The following LEKR1 variants were observed in gnomAD, a reference collection of about 807,000 sequenced individuals.
LEKR1 encodes protein LEKR1.
In LEKR1, 59 loss-of-function variants were observed where a neutral mutation model predicts 72.4. The ratio of observed to expected loss-of-function variants is 0.82; its 90% CI spans 0.66 to 1.01. LEKR1 has a LOEUF of 1.01. LEKR1 is among the 50% of genes least tolerant of loss of function. The probability of loss-of-function intolerance (pLI) is 0.00; values close to 1 mark genes in which losing one functional copy is unlikely to be tolerated. For missense variants in LEKR1, 728 were observed against 759.2 expected, an observed-to-expected ratio of 0.96 and a Z score of 0.48; for synonymous variants, 257 against 263.2, an observed-to-expected ratio of 0.98 and a Z score of 0.23.
chr3:157,025,567 T>C (rs1175902690), intron 11 of LEKR1, among the ~76,000 whole-genome samples: 1 of 152,190 alleles, frequency 6.6e-6, no homozygotes, highest in Non-Finnish European at 1.5e-5. Context: ...ACCTAATGGC[T>C]TCTACATTTG....
At chr3:156,846,408 A>G (rs918558926) in intron 2 of LEKR1, among the ~76,000 whole-genome samples, 18 of 152,060 alleles carry the variant, frequency 1.2e-4, no homozygotes, top group African/African-American at 4.1e-4. Context: ...TTAGGGGGAA[A>G]AACACTGAGT....
chr3:157,017,969 A>AAAAAAAAAAAAAAAAG (rs1733507638), intron 10 of LEKR1, among the ~76,000 whole-genome samples: 1 of 150,736 alleles, frequency 6.6e-6, no homozygotes, highest in African/African-American at 2.4e-5. Flanking sequence ...AAAAAAAAAA[A>AAAAAAAAAAAAAAAAG]AAAGAAAGCT....
chr3:156,855,397 T>C (rs1715937110), intron 3 of LEKR1, among the ~76,000 whole-genome samples: 1 of 152,210 alleles, frequency 6.6e-6, no homozygotes, highest in Non-Finnish European at 1.5e-5. Context: ...CCAATGAAGC[T>C]GAACATTTGT....
chr3:156,963,957 C>T (rs1345462876), intron 6 of LEKR1, among the ~76,000 whole-genome samples: 1 of 152,100 alleles, frequency 6.6e-6, no homozygotes, highest in African/African-American at 2.4e-5. Flanking sequence ...TAAACATAAG[C>T]TTTTATGTGG....
Position 157,028,209 on chromosome 3 carries a change from C to T in LEKR1, c.1475C>T (p.Ser492Leu). ...ATTCGGTACACTGAAGAATCTAATT[C>T]AAAGGAAAAAGAAATTGAAAATCTT... ...SHIRYTEESN[S>L]KEKEIENLKN... The change falls in exon 12 of 13, where the codon TCA becomes TTA. Residue 492 changes from serine (S) to leucine (L), a missense_variant. Coordinates refer to ENST00000356539, the MANE Select transcript of LEKR1 (RefSeq NM_001004316.3). 1 of 1,612,624 alleles carries T rather than the reference C, an allele frequency of 6.2e-7. No homozygotes were observed. The highest frequency in any genetic ancestry group is 8.5e-7 in the Non-Finnish European group (1 of 1,179,000).
intron 9 of LEKR1, among the ~76,000 whole-genome samples, chr3:157,006,029 C>G (rs1269315826): frequency 6.7e-6 from 1 of 149,298 alleles, no homozygotes. Context: ...GACGGAGTCT[C>G]GCTCTGTCGC....
chr3:156,833,817 T>C (rs576586194), intron 2 of LEKR1, among the ~76,000 whole-genome samples: 91 of 152,154 alleles, frequency 6.0e-4, no homozygotes, highest in African/African-American at 2.2e-3. Context: ...GCAGAAGTGA[T>C]AACTCAAAAA....
chr3:156,853,093 C>CCTG, intron 3 of LEKR1, 111 bp downstream of exon 3: 1 of 479,272 alleles, frequency 2.1e-6, no homozygotes, highest in African/African-American at 2.0e-5. Context: ...ATAGTTTATA[C>CCTG]TTTAATGCAT....
At chr3:157,011,015 A>G (rs1394355257) in intron 9 of LEKR1, among the ~76,000 whole-genome samples, 1 of 152,118 alleles carries the variant, frequency 6.6e-6, no homozygotes, top group Non-Finnish European at 1.5e-5. Flanking sequence ...CCTTTTTTAA[A>G]GAAACCAAAT....
chr3:156,893,400 C>G (rs1299439170), intron 3 of LEKR1, among the ~76,000 whole-genome samples: 2 of 152,168 alleles, frequency 1.3e-5, no homozygotes, highest in Non-Finnish European at 2.9e-5. Flanking sequence ...TTCAGCTACA[C>G]TCAGATTATA....
At chr3:156,976,556 C>A (rs1057137660) in intron 6 of LEKR1, among the ~76,000 whole-genome samples, 1 of 151,926 alleles carries the variant, frequency 6.6e-6, no homozygotes, top group African/African-American at 2.4e-5. Flanking sequence ...TCTAAACCAC[C>A]TTTTGGAGTT....
intron 6 of LEKR1, among the ~76,000 whole-genome samples, chr3:156,950,332 T>C (rs1727041063): frequency 6.6e-6 from 1 of 151,730 alleles, no homozygotes; most frequent in African/African-American, 2.4e-5. Context: ...TCTTTTTTGA[T>C]TCCATATGAA....
At chr3:156,931,508 A>G (rs1387133341) in intron 5 of LEKR1, among the ~76,000 whole-genome samples, 1 of 152,172 alleles carries the variant, frequency 6.6e-6, no homozygotes, top group African/African-American at 2.4e-5. Flanking sequence ...TACCCAAGGA[A>G]TGTGAAAATG....
At chr3:156,973,884 G>A (rs1453154395) in intron 6 of LEKR1, among the ~76,000 whole-genome samples, 1 of 152,178 alleles carries the variant, frequency 6.6e-6, no homozygotes, top group Non-Finnish European at 1.5e-5. Flanking sequence ...AATATTAGCT[G>A]CTTCTAATAA....
Position 156,996,400 on chromosome 3 carries a change from C to T in LEKR1, c.1109+3123C>T, listed in dbSNP as rs16826984. On this transcript the variant is annotated intron_variant, in intron 9 of 12. Coordinates refer to ENST00000356539, the MANE Select transcript of LEKR1 (RefSeq NM_001004316.3). ...GTTCTGGGAAAGGACAGCAGGGTAG[C>T]GTGGCTAGTGGCATAGTAAGTGTGA... Among the ~76,000 whole-genome samples the T allele has an allele frequency of 7.2e-3, 1,092 of 152,108 alleles. 29 individuals carry two copies. In the East Asian group the frequency reaches 0.1, roughly 14 times the overall value.
chr3:156,846,603 A>C (rs550487989), intron 2 of LEKR1, among the ~76,000 whole-genome samples: 1 of 152,290 alleles, frequency 6.6e-6, no homozygotes, highest in East Asian at 1.9e-4. Context: ...GCCCTATCTC[A>C]AAAACTTTCT....
At chr3:156,975,398 A>G (rs909350046) in intron 6 of LEKR1, among the ~76,000 whole-genome samples, 7 of 152,234 alleles carry the variant, frequency 4.6e-5, no homozygotes, top group Non-Finnish European at 8.8e-5. Context: ...TCCACATAGC[A>G]CTTTGAACCA....
chr3:156,905,361 T>C (rs1329186643), intron 3 of LEKR1, among the ~76,000 whole-genome samples: 1 of 152,146 alleles, frequency 6.6e-6, no homozygotes, highest in Non-Finnish European at 1.5e-5. Context: ...AAGGGTATAT[T>C]TGAGTAACTA....
At chr3:156,834,352 T>G (rs1197304911) in intron 2 of LEKR1, among the ~76,000 whole-genome samples, 1 of 152,322 alleles carries the variant, frequency 6.6e-6, no homozygotes, top group East Asian at 1.9e-4. Flanking sequence ...AAGATCAATG[T>G]ATTATAAATC....
Sources: gnomAD v4.1 joint callset for allele counts (sites outside exome capture counted in the v4.1 genomes callset) on GRCh38, gnomAD v4.1.1 for gene constraint, MANE v1.5 for transcripts, NCBI Gene and HGNC (gene_info 2026-07-23, HGNC 2026-07-21) for gene names.